Variants in GRM5 observed in about 807,000 individuals in gnomAD.
The protein encoded by GRM5 is metabotropic glutamate receptor 5.
GRM5 carries 19 observed loss-of-function variants against 83.1 expected under a neutral mutation model. That is an observed-to-expected ratio of 0.23 (90% confidence interval 0.16 to 0.34). The LOEUF is 0.34. GRM5 is among the 10% of genes least tolerant of loss of function. The pLI, the probability that GRM5 is intolerant of heterozygous loss-of-function variation, is 1.00. For synonymous variants in GRM5, 675 were observed against 633.6 expected, an observed-to-expected ratio of 1.07 and a Z score of -0.98; for missense variants, 1,160 against 1,588.3, an observed-to-expected ratio of 0.73 and a Z score of 4.58.
intron 3 of GRM5, among the ~76,000 whole-genome samples, chr11:88,823,342 A>G (rs1251752340): frequency 1.3e-5 from 2 of 151,708 alleles, no homozygotes. Context: ...AGGATGCTGT[A>G]TATTTTGTTT....
intron 3 of GRM5, among the ~76,000 whole-genome samples, chr11:88,680,205 G>T (rs866434898): frequency 1.3e-5 from 2 of 152,194 alleles, no homozygotes; most frequent in Middle Eastern, 3.4e-3. Flanking sequence ...ATTTACATTA[G>T]GTATATCTCC....
chr11:88,876,492 T>C (rs1209633964), intron 2 of GRM5, among the ~76,000 whole-genome samples: 1 of 152,128 alleles, frequency 6.6e-6, no homozygotes, highest in African/African-American at 2.4e-5. Context: ...TAAATTTTTC[T>C]TCAAAAATTT....
chr11:88,756,136 C>A (rs1219131045), intron 3 of GRM5, among the ~76,000 whole-genome samples: 1 of 152,130 alleles, frequency 6.6e-6, no homozygotes, highest in Admixed American at 6.5e-5. Context: ...AACAGCCTTA[C>A]TTTAGCATTC....
At chr11:88,807,791 A>G (rs1300495670) in intron 3 of GRM5, among the ~76,000 whole-genome samples, 1 of 152,072 alleles carries the variant, frequency 6.6e-6, no homozygotes, top group East Asian at 1.9e-4. Context: ...GAATTGCAAA[A>G]TTCAAATAAC....
At chr11:88,717,089 G>C (rs1941416690) in intron 3 of GRM5, among the ~76,000 whole-genome samples, 1 of 151,882 alleles carries the variant, frequency 6.6e-6, no homozygotes, top group Non-Finnish European at 1.5e-5. Flanking sequence ...CAAAGCTAAG[G>C]AATGCAACTG....
chr11:88,627,243 A>G (rs1938825770), intron 4 of GRM5, among the ~76,000 whole-genome samples: 1 of 152,206 alleles, frequency 6.6e-6, no homozygotes, highest in Non-Finnish European at 1.5e-5. Flanking sequence ...GTACAAAACC[A>G]CTTTACTGTG....
At chr11:89,011,036 T>C (rs907368855) in intron 2 of GRM5, among the ~76,000 whole-genome samples, 3 of 152,230 alleles carry the variant, frequency 2.0e-5, no homozygotes, top group Admixed American at 2.0e-4. Flanking sequence ...TATCTGCTTC[T>C]TTATTAACTT....
At chr11:88,837,891 T>C in intron 3 of GRM5, among the ~76,000 whole-genome samples, 1 of 151,966 alleles carries the variant, frequency 6.6e-6, no homozygotes. Context: ...GAGACCATCC[T>C]GGCTAACACG....
At position 89,019,054 on chromosome 11, in the gene GRM5, T is replaced by C. The variant is rs1397497024; in HGVS notation, c.661+28158A>G. On this transcript the variant is annotated intron_variant, in intron 2 of 9. Coordinates refer to ENST00000305447, the MANE Select transcript of GRM5 (RefSeq NM_001143831.3). ...ATCCAGGTTACCACACTAGATTTAG[T>C]TGTCCTGCCTCCTTAGGCTCCTCAA... Among the ~76,000 whole-genome samples the C allele has an allele frequency of 2.0e-5, 3 of 152,194 alleles. No individual in the cohort carries two copies. The East Asian group carries it at 5.8e-4, about 29-fold the overall frequency.
intron 2 of GRM5, among the ~76,000 whole-genome samples, chr11:88,895,786 T>C (rs1425259895): frequency 6.6e-6 from 1 of 151,952 alleles, no homozygotes; most frequent in Non-Finnish European, 1.5e-5. Flanking sequence ...ATAATATGCC[T>C]CTCACATCTA....
At chr11:88,750,212 A>C (rs545468342) in intron 3 of GRM5, among the ~76,000 whole-genome samples, 1 of 152,282 alleles carries the variant, frequency 6.6e-6, no homozygotes, top group Admixed American at 6.5e-5. Context: ...GCAAAGACAC[A>C]CACAGGATCA....
chr11:88,524,175 T>C (rs559321701), intron 9 of GRM5: 1 of 140,352 alleles, frequency 7.1e-6, no homozygotes, highest in South Asian at 2.2e-4. Flanking sequence ...AGGGCCCTTT[T>C]CTTTTCTTTT....
At chr11:88,982,986 A>T (rs1374024578) in intron 2 of GRM5, among the ~76,000 whole-genome samples, 1 of 152,148 alleles carries the variant, frequency 6.6e-6, no homozygotes, top group Non-Finnish European at 1.5e-5. Flanking sequence ...GAATTGCTTG[A>T]ACCTGGGAGG....
chr11:89,019,632 G>T (rs1449435235), intron 2 of GRM5, among the ~76,000 whole-genome samples: 1 of 152,012 alleles, frequency 6.6e-6, no homozygotes, highest in Non-Finnish European at 1.5e-5. Flanking sequence ...TTGAGCCCCG[G>T]AGGTGGAGAC....
intron 7 of GRM5, among the ~76,000 whole-genome samples, chr11:88,583,483 T>C (rs1943255467): frequency 6.6e-6 from 1 of 152,244 alleles, no homozygotes; most frequent in Non-Finnish European, 1.5e-5. Flanking sequence ...ATTTCTTTTA[T>C]GATTGAAAAG....
At chr11:88,607,874 T>C (rs552137627) in intron 4 of GRM5, among the ~76,000 whole-genome samples, 7 of 152,316 alleles carry the variant, frequency 4.6e-5, no homozygotes, top group Non-Finnish European at 8.8e-5. Flanking sequence ...CCTTTCTTGC[T>C]TGTAGTTCTC....
intron 2 of GRM5, among the ~76,000 whole-genome samples, chr11:88,999,661 A>C (rs1165516392): frequency 6.6e-6 from 1 of 152,280 alleles, no homozygotes; most frequent in African/African-American, 2.4e-5. Context: ...TAGTTCAACC[A>C]TTGTGGAAGT....
chr11:88,862,242 T>A (rs947205166), intron 2 of GRM5, among the ~76,000 whole-genome samples: 5 of 152,206 alleles, frequency 3.3e-5, no homozygotes, highest in Non-Finnish European at 7.3e-5. Context: ...TTACCTTTTT[T>A]ATGTAAATTT....
At chr11:89,018,163 A>G (rs2135102976) in intron 2 of GRM5, among the ~76,000 whole-genome samples, 1 of 152,274 alleles carries the variant, frequency 6.6e-6, no homozygotes, top group Admixed American at 6.5e-5. Context: ...TGTCATTGCC[A>G]TTACACATTT....
Sources: gnomAD v4.1 joint callset for allele counts (sites outside exome capture counted in the v4.1 genomes callset) on GRCh38, gnomAD v4.1.1 for gene constraint, MANE v1.5 for transcripts, NCBI Gene and HGNC (gene_info 2026-07-23, HGNC 2026-07-21) for gene names.